The following FHL1 variants were observed in gnomAD, a reference collection of about 807,000 sequenced individuals.
FHL1 encodes four and a half LIM domains protein 1.
Under a neutral mutation model 20.3 loss-of-function variants are expected in FHL1, and 1 was observed. The observed-to-expected ratio is 0.05, with a 90% CI of 0.02 to 0.23. The LOEUF (loss-of-function observed/expected upper bound fraction) is 0.23, where lower values mean the gene tolerates loss of function less well. Ranked by LOEUF, FHL1 falls within the 10% of genes least tolerant of loss-of-function variation. FHL1 has a pLI of 1.00. For synonymous variants in FHL1, 82 were observed against 88.9 expected (o/e 0.92, Z 0.44); for missense variants, 177 against 234.0 (o/e 0.76, Z 1.59).
chrX:136,190,957 C>T (rs2073418523), intron 2 of FHL1, among the ~76,000 whole-genome samples: 1 of 111,357 alleles, frequency 9.0e-6, no homozygotes, highest in Admixed American at 9.5e-5. Context: ...GCTGGAGACA[C>T]CCTCAGACCT....
At chrX:136,186,472 T>C (rs2073290299) in intron 2 of FHL1, among the ~76,000 whole-genome samples, 2 of 111,685 alleles carry the variant, frequency 1.8e-5, no homozygotes, top group South Asian at 7.6e-4. Flanking sequence ...CCCATTCCTT[T>C]AGTGCTGCTG....
At chrX:136,186,875 TATATATAG>T (rs1376715992) in intron 2 of FHL1, among the ~76,000 whole-genome samples, 753 of 8,112 alleles carry the variant, frequency 0.093, 15 homozygotes, top group East Asian at 0.35. Flanking sequence ...AATATATATA[TATATATAG>T]ATAGATAGAT....
At chrX:136,148,866 T>A (rs1041858178) in intron 1 of FHL1, 2 of 112,590 alleles carry the variant, frequency 1.8e-5, no homozygotes, top group African/African-American at 6.5e-5. Context: ...AGGAGATACA[T>A]CCTTGTAGCA....
upstream of FHL1, among the ~76,000 whole-genome samples, chrX:136,195,961 T>C (rs2073546027): frequency 8.9e-6 from 1 of 112,149 alleles, no homozygotes; most frequent in African/African-American, 3.2e-5. Flanking sequence ...TTCAGTTATT[T>C]AGTTCATTCT....
At chrX:136,188,043 C>T (rs765324009) in intron 2 of FHL1, among the ~76,000 whole-genome samples, 15 of 111,611 alleles carry the variant, frequency 1.3e-4, no homozygotes, top group Non-Finnish European at 2.1e-4. Flanking sequence ...TAAAGAATCA[C>T]TGTGAACATA....
chrX:136,175,095 G>T (rs752408621), intron 2 of FHL1, among the ~76,000 whole-genome samples: 1 of 112,245 alleles, frequency 8.9e-6, no homozygotes, highest in South Asian at 3.7e-4. Flanking sequence ...CATACAGATT[G>T]TAAGAAAGGT....
intron 5 of FHL1, 114 bp from the exon 6 acceptor site, chrX:136,209,757 C>T (rs773413708): frequency 1.0e-4 from 91 of 889,691 alleles, no homozygotes; most frequent in Non-Finnish European, 1.4e-4. Context: ...GCGTGCTTGT[C>T]GGTCTGTGAG....
chrX:136,156,283 CT>C (rs761582275), intron 1 of FHL1, among the ~76,000 whole-genome samples: 4,496 of 97,477 alleles, frequency 0.046, 187 homozygotes, highest in African/African-American at 0.14. Flanking sequence ...GTTCTATAGC[CT>C]TTTTTTTTTT....
intron 1 of FHL1, among the ~76,000 whole-genome samples, chrX:136,152,975 G>A (rs1324471786): frequency 8.9e-6 from 1 of 111,749 alleles, no homozygotes; most frequent in Non-Finnish European, 1.9e-5. Context: ...ATGGAAATCT[G>A]TGCTTAACCT....
Position 136,210,138 on chromosome X carries a change from TCTC to T in FHL1, c.*116_*118del, listed in dbSNP as rs746798506. ...GAGTGGTCCTTCCCTTCTTTAAAGT[TCTC>T]CTTCCGTCTTTTCTCCCATTTTACA... is the stretch of plus-strand genomic sequence containing the variant. On this transcript the variant is annotated 3_prime_UTR_variant, in exon 6 of 6. Transcript: ENST00000370683. 2 of 1,021,842 alleles carry T rather than the reference TCTC, an allele frequency of 2.0e-6. No homozygotes were observed. The highest frequency in any genetic ancestry group is 2.8e-6 in the Non-Finnish European group (2 of 726,221). The allele number at this position is 1,021,842 out of a possible 1,213,427, so 84.2% of individuals were successfully genotyped here.
At chrX:136,190,015 A>G (rs1313868755) in intron 2 of FHL1, among the ~76,000 whole-genome samples, 1 of 111,935 alleles carries the variant, frequency 8.9e-6, no homozygotes, top group Non-Finnish European at 1.9e-5. Flanking sequence ...CAATAGGACA[A>G]TCACTCCTTG....
rs776530955 is a variant in FHL1, at chrX:136,178,559, A to G, written c.-27+8579A>G. Among the ~76,000 whole-genome samples the G allele has an allele frequency of 1.3e-4, 14 of 108,495 alleles. No individual in the cohort carries two copies. In the South Asian group the frequency reaches 3.8e-3, roughly 30 times the overall value. 94.2% of individuals were successfully genotyped at this position (108,495 alleles called of 115,157 possible). On this transcript the variant is annotated intron_variant, in intron 2 of 6. Coordinates refer to the FHL1 transcript ENST00000394153. ...TGCAGGGTGCAGAGATCGCACGACT[A>G]CACTCCAACCTGGGTGATAGAGTGA...
intron 3 of FHL1, 102 bp from the exon 4 acceptor site, chrX:136,207,690 C>T: frequency 1.1e-6 from 1 of 890,476 alleles, no homozygotes. Flanking sequence ...AACTGCAGGG[C>T]CTGCATCCCC....
At chrX:136,176,975 A>C (rs1603254565) in intron 2 of FHL1, among the ~76,000 whole-genome samples, 1 of 104,926 alleles carries the variant, frequency 9.5e-6, no homozygotes, top group East Asian at 3.1e-4. Flanking sequence ...CAGAGTACCC[A>C]TTGTGGTTGT....
intron 1 of FHL1, chrX:136,206,082 A>T (rs760123067): frequency 7.5e-5 from 27 of 361,621 alleles, no homozygotes; most frequent in African/African-American, 6.7e-4. Context: ...GACTTGGCCA[A>T]CACAGGCTCT....
intron 1 of FHL1, among the ~76,000 whole-genome samples, chrX:136,154,114 C>G (rs1466145783): frequency 8.9e-6 from 1 of 112,225 alleles, no homozygotes; most frequent in Non-Finnish European, 1.9e-5. Flanking sequence ...GTGCTAACGT[C>G]AGAGTTCCAG....
At chrX:136,173,379 G>C (rs935993965) in intron 2 of FHL1, among the ~76,000 whole-genome samples, 3 of 111,986 alleles carry the variant, frequency 2.7e-5, no homozygotes, top group Non-Finnish European at 1.9e-5. Flanking sequence ...TTTGATCTGT[G>C]CCATTTGTAT....
In FHL1 at chrX:136,207,138, C is replaced by T; in HGVS notation, c.327C>T (p.Thr109=). ...ACAAGATCCTGTGCAACAAGTGCAC[C>T]ACTCGGGAGGACTCCCCCAAGTGCA... ...KDNKILCNKC[T]TREDSPKCKG... The change falls in exon 3 of 6, where the codon ACC becomes ACT. Residue 109 remains threonine, a synonymous_variant. Coordinates refer to ENST00000370683, the MANE Select transcript of FHL1 (RefSeq NM_001159699.2). 1 of 1,210,995 alleles carries T rather than the reference C, an allele frequency of 8.3e-7. No homozygotes were observed. The highest frequency in any genetic ancestry group is 1.1e-6 in the Non-Finnish European group (1 of 894,809).
At position 136,208,363 on chromosome X, in the gene FHL1, T is replaced by C. The variant is rs1603272075; in HGVS notation, c.550-92T>C. ...TGTGGAGATTAAATGAGATATTGTA[T>C]ACCAAAGCGCCCAGCACAGTGCCTG... On this transcript the variant is annotated intron_variant, in intron 4 of 5. Coordinates refer to ENST00000370683, the MANE Select transcript of FHL1 (RefSeq NM_001159699.2). The C allele has an allele frequency of 4.2e-6, 4 of 962,330 alleles. No homozygotes were observed. The East Asian group carries it at 1.2e-4, about 29-fold the overall frequency. The allele number at this position is 962,330 out of a possible 1,213,427, so 79.3% of individuals were successfully genotyped here.
Sources: allele counts gnomAD v4.1 joint callset (sites outside exome capture counted in the v4.1 genomes callset), GRCh38; gene constraint gnomAD v4.1.1; transcripts MANE v1.5; gene names NCBI Gene and HGNC (gene_info 2026-07-23, HGNC 2026-07-21).